Variants in PPM1E observed in about 807,000 individuals in gnomAD.
PPM1E encodes protein phosphatase 1E.
Under a neutral mutation model 65.9 loss-of-function variants are expected in PPM1E, and 20 were observed. That is an observed-to-expected ratio of 0.30 (90% CI 0.21 to 0.44). The LOEUF is 0.44. Among genes scored for constraint, PPM1E ranks in the 20% least tolerant of loss-of-function variants. The probability of loss-of-function intolerance (pLI) is 1.00; values close to 1 mark genes in which losing one functional copy is unlikely to be tolerated. For synonymous variants in PPM1E, 352 were observed against 374.9 expected, an observed-to-expected ratio of 0.94 and a Z score of 0.70; for missense variants, 713 against 953.1, an observed-to-expected ratio of 0.75 and a Z score of 3.32.
In PPM1E at chr17:58,984,772, T is replaced by G. The variant is rs3809722; in HGVS notation, c.*3741T>G. On this transcript the variant is annotated 3_prime_UTR_variant, in exon 7 of 7. Coordinates refer to ENST00000308249, the MANE Select transcript of PPM1E (RefSeq NM_014906.5). ...ACTGTTACTTCTTAAAGCAGCATTT[T>G]ATCTTCTATTTTGAAGACTATTTAT... The G allele has an allele frequency of 9.1e-3, 1,396 of 152,616 alleles. 66 individuals are homozygous for G. The East Asian group carries it at 0.12, about 13-fold the overall frequency. The allele number at this position is 152,616 out of a possible 1,614,324, so 9.5% of individuals were successfully genotyped here. A position where few individuals can be genotyped will look rare whatever the true frequency, so the allele number is the denominator to read the frequency against.
rs117708067 is a variant in PPM1E, at chr17:58,879,171, C to T, written c.465-76478C>T. 5.5e-3 allele frequency among the ~76,000 whole-genome samples: 843 copies of T among 151,974 alleles called. 14 individuals are homozygous for T. Among genetic ancestry groups the T allele is most frequent in the Middle Eastern group, 0.01 (3 of 294 alleles). ...AGGATCTTAATCTCATAGTCTATGT[C>T]ACAAAATGTACATCACAGCGTTTTT... On this transcript the variant is annotated intron_variant, in intron 1 of 6. Coordinates refer to ENST00000308249, the MANE Select transcript of PPM1E (RefSeq NM_014906.5).
In PPM1E at chr17:58,980,278, G is replaced by C. The variant is rs541132971; in HGVS notation, c.1515G>C (p.Glu505Asp). 5 of 1,614,076 alleles carry C rather than the reference G, an allele frequency of 3.1e-6. No homozygotes were observed. The African/African-American group carries it at 5.3e-5, about 17-fold the overall frequency. The stretch of plus-strand genomic sequence containing the variant: ...TTAGTGAGGAATCAGATTGGACAGA[G>C]AACTCTTTTCAAGGAGGGCAAGAAG... ...VNVSEESDWT[E>D]NSFQGGQEDG... Residue 505 changes from glutamate (E) to aspartate (D), a missense_variant, in exon 7 of 7, where the codon GAG becomes GAC. Glu to Asp is a conservative substitution (Grantham distance 45, BLOSUM62 2). Around this residue, in one of 6 missense-constraint regions of PPM1E, gnomAD observed 286 missense variants for 313.8 expected, o/e 0.91. Transcript: ENST00000308249. This position sits in a 1 kb window ranked among gnomAD's most constrained non-coding sequence, Gnocchi z 4.7.
chr17:58,900,873 T>C (rs1188667730), intron 1 of PPM1E, among the ~76,000 whole-genome samples: 1 of 152,214 alleles, frequency 6.6e-6, no homozygotes, highest in Admixed American at 6.5e-5. Flanking sequence ...TGAACTTTAT[T>C]CTATAGGGTA....
intron 1 of PPM1E, among the ~76,000 whole-genome samples, chr17:58,887,146 T>G (rs2051275594): frequency 6.6e-6 from 1 of 150,464 alleles, no homozygotes; most frequent in Non-Finnish European, 1.5e-5. Flanking sequence ...TCATACCTCA[T>G]AAGTGAGGCC....
intron 2 of PPM1E, among the ~76,000 whole-genome samples, chr17:58,965,318 T>TA (rs2030188575): frequency 1.3e-5 from 2 of 152,182 alleles, no homozygotes; most frequent in South Asian, 4.2e-4. Flanking sequence ...TTTCTAAGCA[T>TA]AGGAGGCTTG....
chr17:58,984,985 T>C lies in PPM1E; in HGVS notation c.*3954T>C, dbSNP rs1246955806. On this transcript the variant is annotated 3_prime_UTR_variant, in exon 7 of 7. Transcript: ENST00000308249. ...ACATTTCTCTGCAAAGAATTCTCTA[T>C]GGAGTGAAGCGAATGAAGTGAATAA... is the stretch of plus-strand genomic sequence containing the variant. 2 of 152,674 alleles carry C rather than the reference T, an allele frequency of 1.3e-5. No individual in the cohort carries two copies. Among genetic ancestry groups the C allele is most frequent in the Non-Finnish European group, 2.9e-5 (2 of 68,044 alleles). 9.5% of individuals were successfully genotyped at this position (152,674 alleles called of 1,614,324 possible). A position where few individuals can be genotyped will look rare whatever the true frequency, so the allele number is the denominator to read the frequency against.
At chr17:58,841,521 CTTT>C (rs34826804) in intron 1 of PPM1E, among the ~76,000 whole-genome samples, 5 of 98,988 alleles carry the variant, frequency 5.1e-5, no homozygotes, top group Admixed American at 1.0e-4. Context: ...AAAACAAATA[CTTT>C]TTTTTTTTTT....
chr17:58,897,516 C>T (rs894575748), intron 1 of PPM1E, among the ~76,000 whole-genome samples: 1 of 152,126 alleles, frequency 6.6e-6, no homozygotes, highest in African/African-American at 2.4e-5. Context: ...TTAATGTTTT[C>T]ATGTTTATTA....
intron 1 of PPM1E, among the ~76,000 whole-genome samples, chr17:58,844,011 A>G (rs2050747278): frequency 6.6e-6 from 1 of 152,204 alleles, no homozygotes; most frequent in Non-Finnish European, 1.5e-5. Context: ...GTTTTGTCAC[A>G]TACCTTTCTA....
chr17:58,766,239 C>T (rs1300740457), intron 1 of PPM1E, among the ~76,000 whole-genome samples: 40 of 96,518 alleles, frequency 4.1e-4, no homozygotes, highest in Middle Eastern at 0.01. Flanking sequence ...TCTCGCTCTG[C>T]TGCCCAGGCT....
chr17:58,759,406 A>C (rs1279595379), intron 1 of PPM1E, among the ~76,000 whole-genome samples: 2 of 152,220 alleles, frequency 1.3e-5, no homozygotes, highest in Non-Finnish European at 2.9e-5. Context: ...TAACTGAGAT[A>C]ATTTGTAAAT....
At chr17:58,826,612 C>T (rs1159360740) in intron 1 of PPM1E, among the ~76,000 whole-genome samples, 1 of 151,922 alleles carries the variant, frequency 6.6e-6, no homozygotes, top group Non-Finnish European at 1.5e-5. Flanking sequence ...TTTTAATGTA[C>T]AAATATTTTG....
At chr17:58,900,544 A>G (rs2051486155) in intron 1 of PPM1E, among the ~76,000 whole-genome samples, 1 of 152,254 alleles carries the variant, frequency 6.6e-6, no homozygotes, top group African/African-American at 2.4e-5. Flanking sequence ...AGACTACAGT[A>G]TAATGTAAAC....
intron 1 of PPM1E, among the ~76,000 whole-genome samples, chr17:58,830,468 C>T (rs1253757641): frequency 6.6e-5 from 10 of 151,552 alleles, no homozygotes; most frequent in South Asian, 2.1e-4. Context: ...CCACCATGCC[C>T]GGCTGATTTT....
At chr17:58,868,359 C>T (rs972960468) in intron 1 of PPM1E, among the ~76,000 whole-genome samples, 2 of 152,024 alleles carry the variant, frequency 1.3e-5, no homozygotes, top group African/African-American at 4.8e-5. Flanking sequence ...CCCTCGCTAA[C>T]AATATTTTTC....
At chr17:58,787,674 C>T (rs1481167819) in intron 1 of PPM1E, among the ~76,000 whole-genome samples, 3 of 151,804 alleles carry the variant, frequency 2.0e-5, no homozygotes, top group East Asian at 1.9e-4. Flanking sequence ...TTTGGGAGGC[C>T]GAGGCGGGCG....
chr17:58,908,710 G>A (rs2051588132), intron 1 of PPM1E, among the ~76,000 whole-genome samples: 1 of 152,106 alleles, frequency 6.6e-6, no homozygotes, highest in Non-Finnish European at 1.5e-5. Flanking sequence ...AAGGTGCTGT[G>A]ATTACAGGCA....
chr17:58,844,818 A>G (rs1004281027), intron 1 of PPM1E, among the ~76,000 whole-genome samples: 1 of 152,220 alleles, frequency 6.6e-6, no homozygotes, highest in Non-Finnish European at 1.5e-5. Context: ...TTGTACCCTA[A>G]TAAGAAATCT....
intron 1 of PPM1E, among the ~76,000 whole-genome samples, chr17:58,871,338 G>T (rs1411666275): frequency 6.6e-6 from 1 of 152,038 alleles, no homozygotes; most frequent in Non-Finnish European, 1.5e-5. Context: ...TCCGTGCCTG[G>T]CTCTGTATGC....
Sources: gnomAD v4.1 joint callset for allele counts (sites outside exome capture counted in the v4.1 genomes callset) on GRCh38, gnomAD v4.1.1 for gene constraint, gnomAD v4.1.1 regional missense constraint, Gnocchi (gnomAD v3.1) non-coding constraint, MANE v1.5 for transcripts, NCBI Gene and HGNC (gene_info 2026-07-23, HGNC 2026-07-21) for gene names.